The following CIMIP6 variants were observed in gnomAD, a reference collection of about 807,000 sequenced individuals.
The protein encoded by CIMIP6 is ciliary microtubule inner protein 6, also known as uncharacterized protein C2orf73.
the CIMIP6 span, chr2:54,361,684 G>A: frequency 6.6e-6 from 1 of 152,028 alleles, no homozygotes. Flanking sequence ...AACATATGTA[G>A]GCAACCTTGT....
At chr2:54,345,312 G>C in the CIMIP6 span, among the ~76,000 whole-genome samples, 1 of 152,156 alleles carries the variant, frequency 6.6e-6, no homozygotes. Context: ...AGGAGTTTGG[G>C]CTAGGGTAAT....
the CIMIP6 span, among the ~76,000 whole-genome samples, chr2:54,380,811 C>T: frequency 1.3e-5 from 2 of 152,314 alleles, no homozygotes; most frequent in Admixed American, 1.3e-4. Flanking sequence ...TGTACAGACA[C>T]GTGCTACCAT....
chr2:54,354,527 T>C, the CIMIP6 span, among the ~76,000 whole-genome samples: 2 of 152,138 alleles, frequency 1.3e-5, no homozygotes, highest in Non-Finnish European at 2.9e-5. Flanking sequence ...TTTTTCTCTA[T>C]AGAGATCTTG....
chr2:54,365,335 A>G, the CIMIP6 span, among the ~76,000 whole-genome samples: 1 of 152,190 alleles, frequency 6.6e-6, no homozygotes, highest in Non-Finnish European at 1.5e-5. Flanking sequence ...AAATTGCCCC[A>G]TAGTGACAAT....
chr2:54,362,190 T>G, the CIMIP6 span, among the ~76,000 whole-genome samples: 1 of 152,038 alleles, frequency 6.6e-6, no homozygotes, highest in African/African-American at 2.4e-5. Context: ...TGGAGAGAGT[T>G]TCATGATCAA....
chr2:54,367,035 T>C, the CIMIP6 span, among the ~76,000 whole-genome samples: 3 of 152,168 alleles, frequency 2.0e-5, no homozygotes, highest in African/African-American at 4.8e-5. Flanking sequence ...AATAGCCAAA[T>C]TGGGATTTAA....
At chr2:54,382,295 C>A in the CIMIP6 span, among the ~76,000 whole-genome samples, 6 of 152,152 alleles carry the variant, frequency 3.9e-5, no homozygotes, top group African/African-American at 1.4e-4. Context: ...AACAATAAAA[C>A]TGAGCCAGTG....
chr2:54,343,133 C>T, the CIMIP6 span, among the ~76,000 whole-genome samples: 2 of 151,948 alleles, frequency 1.3e-5, no homozygotes, highest in African/African-American at 4.8e-5. Context: ...CAGTCAGCAA[C>T]GTGAAATGAA....
At chr2:54,377,874 GATTGTTGTAAA>G in the CIMIP6 span, among the ~76,000 whole-genome samples, 1 of 152,150 alleles carries the variant, frequency 6.6e-6, no homozygotes, top group African/African-American at 2.4e-5. Flanking sequence ...TTAGCTGTGG[GATTGTTGTAAA>G]AAGAAAAAGA....
At chr2:54,348,833 G>A in the CIMIP6 span, among the ~76,000 whole-genome samples, 1 of 152,106 alleles carries the variant, frequency 6.6e-6, no homozygotes, top group East Asian at 1.9e-4. Context: ...AATTACGCCT[G>A]GACTTTGGCA....
the CIMIP6 span, among the ~76,000 whole-genome samples, chr2:54,340,459 G>A: frequency 1.3e-5 from 2 of 152,156 alleles, no homozygotes; most frequent in African/African-American, 2.4e-5. Flanking sequence ...AAAAGGGCAC[G>A]CACATGTTGC....
At chr2:54,383,357 ATAAC>A in the CIMIP6 span, 4 of 152,376 alleles carry the variant, frequency 2.6e-5, no homozygotes, top group Admixed American at 6.5e-5. Context: ...TCATAAACAG[ATAAC>A]TAACAGATTA....
chr2:54,375,458 G>A, the CIMIP6 span, among the ~76,000 whole-genome samples: 9 of 152,114 alleles, frequency 5.9e-5, no homozygotes, highest in Non-Finnish European at 2.9e-5. Flanking sequence ...TGAAAAGATT[G>A]TTTATATACA....
the CIMIP6 span, among the ~76,000 whole-genome samples, chr2:54,370,124 T>C: frequency 6.6e-6 from 1 of 151,874 alleles, no homozygotes; most frequent in Non-Finnish European, 1.5e-5. Flanking sequence ...TTGTGGTGGC[T>C]TGTGCTTGTA....
chr2:54,357,039 A>T, the CIMIP6 span, among the ~76,000 whole-genome samples: 1 of 152,198 alleles, frequency 6.6e-6, no homozygotes, highest in African/African-American at 2.4e-5. Context: ...TCTCAGTGTC[A>T]TGCTTATTAA....
chr2:54,376,198 G>C, the CIMIP6 span, among the ~76,000 whole-genome samples: 42 of 143,502 alleles, frequency 2.9e-4, no homozygotes, highest in African/African-American at 1.1e-3. Flanking sequence ...ACCATGCCTG[G>C]CTGATTTCTA....
chr2:54,340,754 A>T, the CIMIP6 span, among the ~76,000 whole-genome samples: 1 of 152,236 alleles, frequency 6.6e-6, no homozygotes, highest in Admixed American at 6.5e-5. Flanking sequence ...AAATTTGCTC[A>T]AAAGATGAAA....
chr2:54,382,003 C>T, the CIMIP6 span: 1 of 1,523,340 alleles, frequency 6.6e-7, no homozygotes, highest in Non-Finnish European at 8.8e-7. Flanking sequence ...TTAGCAGTTT[C>T]ATTTTTATAA....
the CIMIP6 span, among the ~76,000 whole-genome samples, chr2:54,347,817 G>A: frequency 5.3e-5 from 8 of 152,124 alleles, no homozygotes; most frequent in Non-Finnish European, 7.4e-5. Flanking sequence ...GATGCCTCCC[G>A]ATTCCCAGGC....
Sources: gnomAD v4.1 joint callset for allele counts (sites outside exome capture counted in the v4.1 genomes callset) on GRCh38, gnomAD v4.1.1 for gene constraint, MANE v1.5 for transcripts, NCBI Gene and HGNC (gene_info 2026-07-23, HGNC 2026-07-21) for gene names.